The following PIK3CB variants were observed in gnomAD, a reference collection of about 807,000 sequenced individuals.
PIK3CB encodes the protein phosphatidylinositol-4,5-bisphosphate 3-kinase catalytic subunit beta, also known as phosphatidylinositol 4,5-bisphosphate 3-kinase catalytic subunit beta isoform.
PIK3CB carries 39 observed loss-of-function variants against 136.8 expected under a neutral mutation model. The observed-to-expected ratio is 0.29, with a 90% confidence interval of 0.22 to 0.37. PIK3CB has a LOEUF of 0.37. Ranked by LOEUF, PIK3CB falls within the 10% of genes least tolerant of loss-of-function variation. PIK3CB has a pLI of 1.00. For synonymous variants in PIK3CB, 428 were observed against 436.6 expected (o/e 0.98, Z 0.25); for missense variants, 868 against 1,275.4 (o/e 0.68, Z 4.87).
chr3:138,815,166 T>A (rs867416821), intron 1 of PIK3CB, among the ~76,000 whole-genome samples: 2,873 of 82,006 alleles, frequency 0.035, 211 homozygotes, highest in East Asian at 0.28. Flanking sequence ...AAAAAAAATA[T>A]ATATATATAT....
chr3:138,780,623 G>A (rs2045913074), intron 2 of PIK3CB, among the ~76,000 whole-genome samples: 2 of 134,448 alleles, frequency 1.5e-5, no homozygotes, highest in South Asian at 2.4e-4. Context: ...TTTCCAAAAA[G>A]AAAGCAGTGT....
chr3:138,683,548 G>A (rs2043823222), intron 18 of PIK3CB, 130 bp downstream of exon 18: 1 of 618,634 alleles, frequency 1.6e-6, no homozygotes, highest in Non-Finnish European at 2.9e-6. Flanking sequence ...TTGACTTTAG[G>A]ACCATTAATA....
chr3:138,816,566 G>A (rs1348220550), intron 1 of PIK3CB, among the ~76,000 whole-genome samples: 2 of 151,582 alleles, frequency 1.3e-5, no homozygotes, highest in Admixed American at 1.3e-4. Context: ...TTGTACTCTA[G>A]CCTGGGGACA....
chr3:138,688,254 C>T (rs1018415548), intron 16 of PIK3CB, among the ~76,000 whole-genome samples: 4 of 152,210 alleles, frequency 2.6e-5, no homozygotes, highest in Middle Eastern at 3.4e-3. Context: ...GTAATCCCAG[C>T]ACTTTGGGAG....
intron 12 of PIK3CB, among the ~76,000 whole-genome samples, chr3:138,703,124 C>T (rs373340568): frequency 3.3e-5 from 5 of 152,174 alleles, no homozygotes; most frequent in Admixed American, 2.6e-4. Context: ...CAGAGCCTTT[C>T]GTAAACTGTA....
intron 2 of PIK3CB, among the ~76,000 whole-genome samples, chr3:138,764,042 C>G (rs200425147): frequency 6.7e-6 from 1 of 148,306 alleles, no homozygotes; most frequent in Non-Finnish European, 1.5e-5. Flanking sequence ...ACTCGGGAGG[C>G]GGAGGTTGCA....
chr3:138,694,815 T>G lies in PIK3CB; in HGVS notation c.1863A>C (p.Glu621Asp), dbSNP rs144577790. ...TCTGTCGCAGGCAGCCTACAGCATA[T>G]TCTCGAACGTACTGGTCTGGATAGT... ...DFNYPDQYVR[E>D]YAVGCLRQMS... is the part of the protein sequence containing the mutation. The change falls in exon 14 of 24, where the codon GAA (glutamate) becomes GAC (aspartate). Residue 621 changes from glutamate (E) to aspartate (D), a missense_variant. Glu to Asp is a conservative substitution (Grantham distance 45). Coordinates refer to ENST00000674063, the MANE Select transcript of PIK3CB (RefSeq NM_006219.3). 6.2e-7 allele frequency: 1 copy of G among 1,613,352 alleles called. No homozygotes were observed. The highest frequency in any genetic ancestry group is 1.1e-5 in the South Asian group (1 of 90,870).
rs764111161 is a variant in PIK3CB at position 138,783,847 on chromosome 3, AAAAGAACATAT to A, written c.-17+12605_-17+12615del. Among the ~76,000 whole-genome samples, 22 of 152,304 alleles carry A rather than the reference AAAAGAACATAT, an allele frequency of 1.4e-4. No individual in the cohort carries two copies. In the East Asian group the frequency reaches 1.7e-3, roughly 12 times the overall value. On this transcript the variant is annotated intron_variant, in intron 2 of 23. Transcript: ENST00000674063. ...ACAACTTTTGAAAGTTACAGTGTGAAAAAGAACATATAAAGAACATGAATCCAACAAAAAAA... is the reference window on the plus strand; with the variant it reads ...ACAACTTTTGAAAGTTACAGTGTGAAAAAGAACATGAATCCAACAAAAAAA...
At chr3:138,802,627 C>A (rs1346714586) in intron 1 of PIK3CB, among the ~76,000 whole-genome samples, 1 of 152,096 alleles carries the variant, frequency 6.6e-6, no homozygotes, top group Non-Finnish European at 1.5e-5. Context: ...AGCTCAGGGA[C>A]CTCTCAGGGT....
At chr3:138,711,970 A>T (rs2044511378) in intron 10 of PIK3CB, among the ~76,000 whole-genome samples, 1 of 151,828 alleles carries the variant, frequency 6.6e-6, no homozygotes, top group East Asian at 1.9e-4. Context: ...ATAATAAATA[A>T]TAAAATAAAA....
chr3:138,825,403 A>G, intron 1 of PIK3CB: 5 of 649,674 alleles, frequency 7.7e-6, no homozygotes, highest in South Asian at 7.4e-5. Flanking sequence ...TGGTGTTAAC[A>G]AAATGGATTC....
intron 1 of PIK3CB, among the ~76,000 whole-genome samples, chr3:138,812,150 A>G (rs996827637): frequency 6.6e-6 from 1 of 152,048 alleles, no homozygotes; most frequent in African/African-American, 2.4e-5. Context: ...TCTCGAAACG[A>G]CAAAATCATA....
At chr3:138,791,764 T>C (rs562321585) in intron 2 of PIK3CB, among the ~76,000 whole-genome samples, 1 of 152,332 alleles carries the variant, frequency 6.6e-6, no homozygotes, top group East Asian at 1.9e-4. Context: ...CCAGAGGGCC[T>C]GCTCCCTCAC....
chr3:138,656,366 C>A, intron 22 of PIK3CB, 92 bp from the exon 23 acceptor site: 1 of 1,335,254 alleles, frequency 7.5e-7, no homozygotes, highest in Non-Finnish European at 1.0e-6. Flanking sequence ...GCTAGACTTT[C>A]TATTAGAATA....
chr3:138,756,702 C>A (rs1420054214), intron 3 of PIK3CB, among the ~76,000 whole-genome samples: 1 of 152,030 alleles, frequency 6.6e-6, no homozygotes, highest in Non-Finnish European at 1.5e-5. Flanking sequence ...AAATTGTGGC[C>A]AATCCTCAGC....
chr3:138,674,314 C>T (rs1357465569), intron 19 of PIK3CB, among the ~76,000 whole-genome samples: 1 of 152,038 alleles, frequency 6.6e-6, no homozygotes, highest in East Asian at 1.9e-4. Flanking sequence ...AGTTCTGAAC[C>T]ACCAGGCTGA....
chr3:138,730,096 C>G (rs1240374019), intron 8 of PIK3CB, among the ~76,000 whole-genome samples: 1 of 152,030 alleles, frequency 6.6e-6, no homozygotes, highest in African/African-American at 2.4e-5. Context: ...TACTCAAATT[C>G]AACTATATAA....
At chr3:138,705,031 C>G (rs1295688293) in intron 11 of PIK3CB, among the ~76,000 whole-genome samples, 1 of 151,020 alleles carries the variant, frequency 6.6e-6, no homozygotes, top group Non-Finnish European at 1.5e-5. Context: ...AGGCAATTAT[C>G]CCACCTCAGC....
chr3:138,815,356 C>CAAAAAAAAAAAAAAAAAAAA (rs56785236), intron 1 of PIK3CB, among the ~76,000 whole-genome samples: 1 of 26,484 alleles, frequency 3.8e-5, no homozygotes, highest in Non-Finnish European at 7.5e-5. Context: ...CATCCTGTCT[C>CAAAAAAAAAAAAAAAAAAAA]AAAAAAAAAA....
Sources: allele counts gnomAD v4.1 joint callset (sites outside exome capture counted in the v4.1 genomes callset), GRCh38; gene constraint gnomAD v4.1.1; transcripts MANE v1.5; gene names NCBI Gene and HGNC (gene_info 2026-07-23, HGNC 2026-07-21).